The following ZGPAT variants were observed in gnomAD, a reference collection of about 807,000 sequenced individuals.
The protein encoded by ZGPAT is zinc finger CCCH-type with G patch domain-containing protein.
A neutral mutation model predicts 47.9 loss-of-function variants in ZGPAT; 39 were observed. The observed-to-expected ratio is 0.81, with a 90% confidence interval of 0.63 to 1.06. The LOEUF (loss-of-function observed/expected upper bound fraction) is 1.06, where lower values mean the gene tolerates loss of function less well. Among genes scored for constraint, ZGPAT ranks in the 50% least tolerant of loss-of-function variants. The pLI is 0.00. For synonymous variants in ZGPAT, 348 were observed against 292.9 expected, an observed-to-expected ratio of 1.19 and a Z score of -1.92; for missense variants, 717 against 681.4, an observed-to-expected ratio of 1.05 and a Z score of -0.58.
chr20:63,710,236 C>T (rs1049539420), intron 2 of ZGPAT, among the ~76,000 whole-genome samples: 2 of 151,184 alleles, frequency 1.3e-5, no homozygotes, highest in African/African-American at 2.4e-5. Context: ...TTACCGCAAC[C>T]TCTGTCTCCC....
chr20:63,719,636 T>A (rs1431296271), intron 2 of ZGPAT, among the ~76,000 whole-genome samples: 2 of 152,080 alleles, frequency 1.3e-5, no homozygotes, highest in African/African-American at 4.8e-5. Flanking sequence ...GTAGTAATTA[T>A]CACTTTACTA....
In ZGPAT at chr20:63,733,293, C is replaced by T. The variant is rs758633303; in HGVS notation, c.659C>T (p.Ala220Val). The T allele has an allele frequency of 3.7e-6, 6 of 1,613,542 alleles. No individual in the cohort carries two copies. Among genetic ancestry groups the T allele is most frequent in the East Asian group, 2.2e-5 (1 of 44,904 alleles). ...FQDPDLSSLQ[A>V]GSACLAKHQD... ...GACCCAGACCTGAGCTCCCTGCAGGCCGGCTCTGCGTGTCTGGCCAAGCAC... is the reference window on the plus strand; with the variant it reads ...GACCCAGACCTGAGCTCCCTGCAGGTCGGCTCTGCGTGTCTGGCCAAGCAC... Residue 220 changes from alanine to valine, a missense_variant, in exon 3 of 7, where the codon GCC becomes GTC. By Grantham distance (64) the Ala-to-Val change is moderately conservative. Coordinates refer to ENST00000355969, the MANE Select transcript of ZGPAT (RefSeq NM_181485.3).
rs368475462 is a variant in ZGPAT at position 63,733,400 on chromosome 20, C to T, written c.718+48C>T. 1.4e-5 allele frequency: 23 copies of T among 1,601,920 alleles called. No homozygotes were observed. In the East Asian group the frequency reaches 2.2e-4, roughly 16 times the overall value. On this transcript the variant is annotated intron_variant, in intron 3 of 6. Transcript: ENST00000355969. The stretch of plus-strand genomic sequence containing the variant: ...CCCGGGAACACCCTCCCAGGCCCCA[C>T]GTGTGTTGTCACTGTGTGGCTGCTC...
At chr20:63,732,719 T>C (rs1400820494) in intron 2 of ZGPAT, among the ~76,000 whole-genome samples, 1 of 147,754 alleles carries the variant, frequency 6.8e-6, no homozygotes, top group Non-Finnish European at 1.5e-5. Flanking sequence ...TACTTGTGTA[T>C]GTGTATATGT....
chr20:63,733,045 T>G (rs1251347287), intron 2 of ZGPAT, among the ~76,000 whole-genome samples, 174 bp from the exon 3 acceptor site: 1 of 151,618 alleles, frequency 6.6e-6, no homozygotes, highest in Non-Finnish European at 1.5e-5. Context: ...CATGTGTGTG[T>G]GTATGTGTGC....
chr20:63,708,356 G>T (rs2091595901), intron 1 of ZGPAT, among the ~76,000 whole-genome samples, 197 bp from the exon 2 acceptor site: 1 of 152,042 alleles, frequency 6.6e-6, no homozygotes. Context: ...GACCCGGCTA[G>T]CGGCGAGCCC....
chr20:63,723,728 T>C (rs1387398786), intron 2 of ZGPAT, among the ~76,000 whole-genome samples: 1 of 152,258 alleles, frequency 6.6e-6, no homozygotes, highest in African/African-American at 2.4e-5. Context: ...CATTTATGTA[T>C]GTTATAACTT....
rs1244590395 is a variant in ZGPAT, at chr20:63,709,146, G to A, written c.566G>A (p.Arg189His). 1.2e-6 allele frequency: 2 copies of A among 1,610,860 alleles called. No individual in the cohort carries two copies. Among genetic ancestry groups the A allele is most frequent in the Non-Finnish European group, 1.7e-6 (2 of 1,180,026 alleles). The change falls in exon 2 of 7, where the codon CGC (arginine) becomes CAC (histidine). Residue 189 changes from arginine to histidine, a missense_variant. Coordinates refer to ENST00000355969, the MANE Select transcript of ZGPAT (RefSeq NM_181485.3). ...CCGTTCTTCCTGGAGGGAAAGTGCC[G>A]CTTTAAGGAGAACTGCAGGTAAAGC... The part of the protein sequence containing the change: ...PCPFFLEGKC[R>H]FKENCRFSHG...
At chr20:63,719,398 C>T (rs973419593) in intron 2 of ZGPAT, among the ~76,000 whole-genome samples, 1 of 152,316 alleles carries the variant, frequency 6.6e-6, no homozygotes, top group African/African-American at 2.4e-5. Flanking sequence ...GAACTTTATG[C>T]ATACATTGAT....
intron 3 of ZGPAT, 38 bp downstream of exon 3, chr20:63,733,390 C>G (rs563900992): frequency 1.2e-6 from 2 of 1,603,894 alleles, no homozygotes; most frequent in Admixed American, 3.3e-5. Context: ...GAACACCCTC[C>G]CAGGCCCCAC....
At chr20:63,734,484 G>T in intron 4 of ZGPAT, 2 of 829,656 alleles carry the variant, frequency 2.4e-6, no homozygotes, top group South Asian at 1.7e-5. Context: ...CACTCTGCCT[G>T]GTGTCACATG....
chr20:63,724,673 A>ATT lies in ZGPAT; in HGVS notation c.585-8529_585-8528dup, dbSNP rs34414685. 6.9e-3 allele frequency among the ~76,000 whole-genome samples: 948 copies of ATT among 137,398 alleles called. 12 individuals carry two copies. The highest frequency in any genetic ancestry group is 7.9e-3 in the Non-Finnish European group (516 of 65,030). 90.1% of individuals were successfully genotyped at this position (137,398 alleles called of 152,430 possible). A position where few individuals can be genotyped will look rare whatever the true frequency, so the allele number is the denominator to read the frequency against. ...TTTAGTCTGAAGAACTTCATTTAGA[A>ATT]TTTTTTTTTTTTTTTTTTGAGACAA... is the stretch of plus-strand genomic sequence containing the variant. On this transcript the variant is annotated intron_variant, in intron 2 of 6. Transcript: ENST00000355969.
intron 2 of ZGPAT, among the ~76,000 whole-genome samples, chr20:63,718,835 G>A (rs1477338955): frequency 6.6e-6 from 1 of 151,994 alleles, no homozygotes; most frequent in African/African-American, 2.4e-5. Flanking sequence ...GGGAGGCCGA[G>A]GTGGGCAGAT....
At chr20:63,713,961 T>A (rs2145644471) in intron 2 of ZGPAT, among the ~76,000 whole-genome samples, 1 of 152,202 alleles carries the variant, frequency 6.6e-6, no homozygotes, top group Non-Finnish European at 1.5e-5. Context: ...TAGGATTTTT[T>A]ATGCACTATT....
chr20:63,709,826 C>T (rs918716296), intron 2 of ZGPAT, among the ~76,000 whole-genome samples: 3 of 151,902 alleles, frequency 2.0e-5, no homozygotes, highest in Admixed American at 1.3e-4. Flanking sequence ...TACAGACTCA[C>T]GCTACTACAC....
chr20:63,732,489 G>A (rs1164553702), intron 2 of ZGPAT, among the ~76,000 whole-genome samples: 1 of 149,230 alleles, frequency 6.7e-6, no homozygotes, highest in Non-Finnish European at 1.5e-5. Flanking sequence ...GAGGGCGTAT[G>A]TGTGTGGGTG....
intron 6 of ZGPAT, 69 bp downstream of exon 6, chr20:63,735,633 A>G: frequency 1.3e-6 from 2 of 1,494,200 alleles, no homozygotes; most frequent in Non-Finnish European, 1.8e-6. Flanking sequence ...TACATGCTGG[A>G]GGTCACCTGA....
Position 63,708,550 on chromosome 20 carries a change from C to A in ZGPAT, c.-28-3C>A. 6.5e-7 allele frequency: 1 copy of A among 1,544,898 alleles called. No homozygotes were observed. ...GGGGCTCAGCTGGCTTCTCTTCTTG[C>A]AGCCCTGGTCCAGCGCCTCCCTCTC... On this transcript the variant is annotated splice_polypyrimidine_tract_variant and splice_region_variant and intron_variant, in intron 1 of 6. Coordinates refer to ENST00000355969, the MANE Select transcript of ZGPAT (RefSeq NM_181485.3).
chr20:63,715,096 T>TTAG (rs2091712888), intron 2 of ZGPAT, among the ~76,000 whole-genome samples: 1 of 151,994 alleles, frequency 6.6e-6, no homozygotes, highest in Non-Finnish European at 1.5e-5. Context: ...TATTATCTCT[T>TTAG]TATTATTATT....
Sources: allele counts gnomAD v4.1 joint callset (sites outside exome capture counted in the v4.1 genomes callset), GRCh38; gene constraint gnomAD v4.1.1; transcripts MANE v1.5; gene names NCBI Gene and HGNC (gene_info 2026-07-23, HGNC 2026-07-21).